The following ROBO1 variants were observed in gnomAD, a reference collection of about 807,000 sequenced individuals.
ROBO1 encodes the protein roundabout homolog 1.
A neutral mutation model predicts 195.9 loss-of-function variants in ROBO1; 149 were observed. The ratio of observed to expected loss-of-function variants is 0.76; its 90% CI spans 0.67 to 0.87. The LOEUF is 0.87. ROBO1 is among the 40% of genes least tolerant of loss of function. The pLI, the probability that ROBO1 is intolerant of heterozygous loss-of-function variation, is 0.00. For missense variants in ROBO1, 1,933 were observed against 2,068.3 expected (o/e 0.93, Z 1.27); for synonymous variants, 816 against 733.2 (o/e 1.11, Z -1.82).
chr3:79,444,213 A>G (rs1313764970), intron 2 of ROBO1, among the ~76,000 whole-genome samples: 6 of 152,064 alleles, frequency 3.9e-5, no homozygotes, highest in Admixed American at 2.6e-4. Context: ...TAAATCACAA[A>G]CTGAGAGAAG....
intron 2 of ROBO1, among the ~76,000 whole-genome samples, chr3:79,295,249 C>T (rs2032518219): frequency 6.6e-6 from 1 of 152,034 alleles, no homozygotes; most frequent in East Asian, 1.9e-4. Flanking sequence ...ATATATATGC[C>T]ACGGAATACT....
At chr3:78,849,831 T>TACACATACACACACACACACACAC (rs1553747415) in intron 4 of ROBO1, among the ~76,000 whole-genome samples, 2 of 79,622 alleles carry the variant, frequency 2.5e-5, no homozygotes, top group African/African-American at 6.9e-5. Flanking sequence ...TCTCTCCCAT[T>TACACATACACACACACACACACAC]ACACACACAC....
At chr3:79,392,021 G>A (rs2036972617) in intron 2 of ROBO1, among the ~76,000 whole-genome samples, 1 of 152,184 alleles carries the variant, frequency 6.6e-6, no homozygotes, top group Non-Finnish European at 1.5e-5. Flanking sequence ...TTATAAAGAA[G>A]TCAAGAACAG....
At chr3:78,686,256 A>G (rs981461737) in intron 9 of ROBO1, among the ~76,000 whole-genome samples, 1 of 152,158 alleles carries the variant, frequency 6.6e-6, no homozygotes, top group African/African-American at 2.4e-5. Flanking sequence ...TATTAGATAT[A>G]TAAGAATATT....
chr3:79,595,094 C>T (rs530018910), intron 1 of ROBO1, among the ~76,000 whole-genome samples: 1 of 151,906 alleles, frequency 6.6e-6, no homozygotes, highest in Non-Finnish European at 1.5e-5. Flanking sequence ...ATGTTCTATA[C>T]ATATATATAA....
chr3:79,307,375 T>C (rs1242006121), intron 2 of ROBO1, among the ~76,000 whole-genome samples: 1 of 152,136 alleles, frequency 6.6e-6, no homozygotes. Context: ...ATTTCACATC[T>C]GGTGAAATTC....
intron 3 of ROBO1, among the ~76,000 whole-genome samples, chr3:79,058,244 G>A (rs975410984): frequency 6.6e-6 from 1 of 152,048 alleles, no homozygotes; most frequent in Non-Finnish European, 1.5e-5. Context: ...TGGCACCAAA[G>A]GGCTATTTAA....
intron 2 of ROBO1, among the ~76,000 whole-genome samples, chr3:79,496,844 C>T (rs901992303): frequency 1.4e-5 from 2 of 139,698 alleles, no homozygotes; most frequent in Non-Finnish European, 3.3e-5. Context: ...TATACTATCA[C>T]ATATGTAAAT....
chr3:79,137,805 A>C (rs2080440977), intron 2 of ROBO1, among the ~76,000 whole-genome samples: 1 of 152,062 alleles, frequency 6.6e-6, no homozygotes, highest in African/African-American at 2.4e-5. Context: ...TTTATTCATC[A>C]ATCTAACTCT....
At chr3:78,863,029 A>G (rs1256780863) in intron 4 of ROBO1, among the ~76,000 whole-genome samples, 1 of 152,240 alleles carries the variant, frequency 6.6e-6, no homozygotes. Context: ...ATAACTGACT[A>G]CTTCTATAGC....
intron 4 of ROBO1, among the ~76,000 whole-genome samples, chr3:78,880,728 T>C (rs2036128889): frequency 6.6e-6 from 1 of 152,246 alleles, no homozygotes; most frequent in Non-Finnish European, 1.5e-5. Context: ...TCAGTTCCAA[T>C]AGTGCTCCAT....
chr3:79,342,879 A>G (rs546603700), intron 2 of ROBO1, among the ~76,000 whole-genome samples: 5 of 152,316 alleles, frequency 3.3e-5, no homozygotes, highest in Non-Finnish European at 7.4e-5. Context: ...TCCATAGCTT[A>G]GAATTCAGCT....
At chr3:78,601,858 A>G (rs966684391) in intron 29 of ROBO1, among the ~76,000 whole-genome samples, 5 of 152,096 alleles carry the variant, frequency 3.3e-5, no homozygotes, top group African/African-American at 1.2e-4. Context: ...TGCAAATATT[A>G]TTCTCTCAGC....
At chr3:79,479,208 C>T (rs1575884780) in intron 2 of ROBO1, among the ~76,000 whole-genome samples, 2 of 152,214 alleles carry the variant, frequency 1.3e-5, no homozygotes, top group East Asian at 3.9e-4. Context: ...CTTTTTGGCA[C>T]CTGGGGCGGA....
intron 4 of ROBO1, among the ~76,000 whole-genome samples, chr3:78,774,347 A>G (rs1008879455): frequency 3.3e-5 from 5 of 151,044 alleles, no homozygotes; most frequent in Non-Finnish European, 5.9e-5. Flanking sequence ...GTCTCGCTCT[A>G]TCGCCCAGGC....
intron 2 of ROBO1, among the ~76,000 whole-genome samples, chr3:79,285,802 T>C (rs1381940004): frequency 1.3e-5 from 2 of 152,188 alleles, no homozygotes; most frequent in African/African-American, 2.4e-5. Context: ...ATATTGAATC[T>C]TTGAGACAAA....
chr3:79,761,720 C>T (rs1704711523), intron 1 of ROBO1, among the ~76,000 whole-genome samples: 1 of 152,156 alleles, frequency 6.6e-6, no homozygotes. Context: ...ATCTAATTTA[C>T]TATACTCTAA....
At chr3:78,883,537 A>G (rs2036311455) in intron 4 of ROBO1, among the ~76,000 whole-genome samples, 1 of 151,800 alleles carries the variant, frequency 6.6e-6, no homozygotes, top group African/African-American at 2.4e-5. Context: ...GCATATCACC[A>G]TGCCTGGCTA....
At chr3:79,517,007 A>G (rs900737753) in intron 2 of ROBO1, among the ~76,000 whole-genome samples, 1 of 152,178 alleles carries the variant, frequency 6.6e-6, no homozygotes, top group Non-Finnish European at 1.5e-5. Flanking sequence ...TGTCATTCCA[A>G]TGAGTGATAA....
Sources: gnomAD v4.1 joint callset for allele counts (sites outside exome capture counted in the v4.1 genomes callset) on GRCh38, gnomAD v4.1.1 for gene constraint, MANE v1.5 for transcripts, NCBI Gene and HGNC (gene_info 2026-07-23, HGNC 2026-07-21) for gene names.